Variants in HNRNPL observed in about 807,000 individuals in gnomAD.
HNRNPL encodes epididymis secretory sperm binding protein.
HNRNPL carries 12 observed loss-of-function variants against 64.0 expected under a neutral mutation model. The observed-to-expected ratio is 0.19, with a 90% CI of 0.12 to 0.30. The LOEUF (loss-of-function observed/expected upper bound fraction) is 0.30, where lower values mean the gene tolerates loss of function less well. Among genes scored for constraint, HNRNPL ranks in the 10% least tolerant of loss-of-function variants. The pLI, the probability that HNRNPL is intolerant of heterozygous loss-of-function variation, is 1.00. For synonymous variants in HNRNPL, 385 were observed against 313.0 expected, an observed-to-expected ratio of 1.23 and a Z score of -2.43; for missense variants, 484 against 797.4, an observed-to-expected ratio of 0.61 and a Z score of 4.73.
chr19:38,838,869 T>C (rs2145409466), intron 9 of HNRNPL, 25 bp downstream of exon 9: 5 of 1,613,908 alleles, frequency 3.1e-6, no homozygotes, highest in Non-Finnish European at 4.2e-6. Context: ...GTACCTCTGC[T>C]GCCCTCCCGA....
upstream of HNRNPL, among the ~76,000 whole-genome samples, chr19:38,851,987 G>C (rs1972514580): frequency 6.6e-6 from 1 of 151,894 alleles, no homozygotes; most frequent in Non-Finnish European, 1.5e-5. Context: ...ACGAAGGGCG[G>C]GGTCGCTCCG....
rs745962318 is a variant in HNRNPL at position 38,844,068 on chromosome 19, G to C, written c.747C>G (p.Ala249=). The part of the protein sequence containing the change: ...DSVQSAQRAK[A]SLNGADIYSG... ...AATAGATATCAGCCCCATTGAGAGA[G>C]GCCTTGGCCCGCTGGGCACTTTGAA... is the stretch of plus-strand genomic sequence containing the variant. The change falls in exon 5 of 13, where the codon GCC becomes GCG. Residue 249 remains alanine, a synonymous_variant. Coordinates refer to ENST00000221419, the MANE Select transcript of HNRNPL (RefSeq NM_001533.3). 1.1e-5 allele frequency: 17 copies of C among 1,613,878 alleles called. No homozygotes were observed. The African/African-American group carries it at 1.1e-4, about 10-fold the overall frequency.
At chr19:38,837,716 A>C (rs1971975986) in intron 10 of HNRNPL, 65 bp from the exon 11 acceptor site, 3 of 1,425,084 alleles carry the variant, frequency 2.1e-6, no homozygotes, top group Non-Finnish European at 2.0e-6. Context: ...GGATTCAAGC[A>C]GACCAGGCCC....
intron 6 of HNRNPL, chr19:38,841,745 T>TA: frequency 1.5e-6 from 1 of 683,582 alleles, no homozygotes; most frequent in Non-Finnish European, 2.3e-6. Context: ...ACAATTTTTT[T>TA]AAAGAATTGT....
At chr19:38,845,399 G>C in intron 4 of HNRNPL, 1 of 485,034 alleles carries the variant, frequency 2.1e-6, no homozygotes. Flanking sequence ...ATAACAGAAA[G>C]AAAACAAAAA....
At chr19:38,847,677 G>A (rs1453281403) in intron 1 of HNRNPL, 5 of 286,644 alleles carry the variant, frequency 1.7e-5, no homozygotes, top group Non-Finnish European at 3.2e-5. Context: ...TCTGAGGAAG[G>A]TATAACGGAG....
rs1431388352 is a variant in HNRNPL at position 38,838,390 on chromosome 19, C to T, written c.1557+7G>A. 5 of 1,604,712 alleles carry T rather than the reference C, an allele frequency of 3.1e-6. No individual in the cohort carries two copies. Among genetic ancestry groups the T allele is most frequent in the Non-Finnish European group, 4.3e-6 (5 of 1,172,236 alleles). On this transcript the variant is annotated splice_region_variant and intron_variant, in intron 10 of 12. Transcript: ENST00000221419. ...CCCGACTGCCTGCGCAGCTCCACGG[C>T]ACACACCTCAAAGAAGTTCTCCTCG...
Position 38,849,693 on chromosome 19 carries a change from G to A in HNRNPL, c.267+7C>T. 2 of 1,355,180 alleles carry A rather than the reference G, an allele frequency of 1.5e-6. No homozygotes were observed. The highest frequency in any genetic ancestry group is 1.9e-6 in the Non-Finnish European group (2 of 1,063,744). 83.9% of individuals were successfully genotyped at this position (1,355,180 alleles called of 1,614,324 possible). A position where few individuals can be genotyped will look rare whatever the true frequency, so the allele number is the denominator to read the frequency against. ...GGCCTTCCCAGCGCCTAGGGCCCTGGCCTCACCCCACCGCCGCCGCCGCCC... is the reference window on the plus strand; with the variant it reads ...GGCCTTCCCAGCGCCTAGGGCCCTGACCTCACCCCACCGCCGCCGCCGCCC... On this transcript the variant is annotated splice_region_variant and intron_variant, in intron 1 of 12. Transcript: ENST00000221419.
At position 38,840,549 on chromosome 19, in the gene HNRNPL, G is replaced by A. The variant is rs1395164156; in HGVS notation, c.891C>T (p.Gly297=). The change falls in exon 7 of 13, where the codon GGC becomes GGT. Residue 297 remains glycine, a synonymous_variant. Transcript: ENST00000221419. ...NPNLSGQGDP[G]SNPNKRQRQP... is the part of the protein sequence containing the mutation. Reference sequence around the variant, plus strand: ...GCCTCTGGCGTTTGTTGGGGTTGCTGCCAGGGTCACCTGTGGAGAGAGAAA... The same window carrying A: ...GCCTCTGGCGTTTGTTGGGGTTGCTACCAGGGTCACCTGTGGAGAGAGAAA... 1 of 1,587,518 alleles carries A rather than the reference G, an allele frequency of 6.3e-7. No homozygotes were observed.
At chr19:38,850,091 C>G (rs1972461724), upstream of HNRNPL, 1 of 727,182 alleles carries the variant, frequency 1.4e-6, no homozygotes, top group South Asian at 2.5e-5. Context: ...CGCCACACGC[C>G]TTGCGCGCTT....
chr19:38,839,158 G>C (rs1045582869), intron 8 of HNRNPL, 143 bp from the exon 9 acceptor site: 16 of 1,018,774 alleles, frequency 1.6e-5, no homozygotes, highest in Non-Finnish European at 2.0e-5. Flanking sequence ...AACATGCCTG[G>C]CCCACACCAA....
chr19:38,838,673 GGCT>G, intron 9 of HNRNPL, 75 bp from the exon 10 acceptor site: 1 of 1,463,826 alleles, frequency 6.8e-7, no homozygotes, highest in Non-Finnish European at 9.5e-7. Context: ...GGCCTCCAGA[GGCT>G]TAGCTTGCCC....
intron 2 of HNRNPL, among the ~76,000 whole-genome samples, chr19:38,846,994 C>T (rs1472935718): frequency 1.3e-5 from 2 of 151,938 alleles, no homozygotes; most frequent in African/African-American, 2.4e-5. Flanking sequence ...CTCAGCAGGC[C>T]GAGGCAGAAG....
chr19:38,850,846 A>G (rs1355875814), upstream of HNRNPL, among the ~76,000 whole-genome samples: 1 of 152,168 alleles, frequency 6.6e-6, no homozygotes, highest in Non-Finnish European at 1.5e-5. Flanking sequence ...GTCCAGTTCT[A>G]AATTCAGCCG....
chr19:38,846,087 A>G lies in HNRNPL; in HGVS notation c.390T>C (p.Tyr130=), dbSNP rs2145430345. 7 of 1,607,468 alleles carry G rather than the reference A, an allele frequency of 4.4e-6. No homozygotes were observed. Among genetic ancestry groups the G allele is most frequent in the Non-Finnish European group, 6.0e-6 (7 of 1,173,926 alleles). The change falls in exon 3 of 13, where the codon TAT becomes TAC. Residue 130 remains tyrosine (Y), a synonymous_variant. Transcript: ENST00000221419. ...GTCTCTTTTTAGGCATTACCACCAC[A>G]TAGCTGGCAGAGAGAACACAGGTTT... The part of the protein sequence containing the change: ...EALQEFGPIS[Y]VVVMPKKRQA...
chr19:38,850,171 G>A (rs1052788947), upstream of HNRNPL: 36 of 421,314 alleles, frequency 8.5e-5, no homozygotes, highest in African/African-American at 6.2e-4. Flanking sequence ...CTTATAGGTG[G>A]TCGCTTTCTG....
chr19:38,840,075 G>A (rs1261820215), intron 8 of HNRNPL, 21 bp downstream of exon 8: 13 of 1,611,622 alleles, frequency 8.1e-6, no homozygotes, highest in Non-Finnish European at 1.0e-5. Context: ...GAGGAACCCA[G>A]GGGGCCCGGC....
At chr19:38,839,064 C>A in intron 8 of HNRNPL, 49 bp from the exon 9 acceptor site, 1 of 1,604,670 alleles carries the variant, frequency 6.2e-7, no homozygotes, top group Non-Finnish European at 8.5e-7. Context: ...TGCCAGGGTC[C>A]CCTCTCCTGC....
intron 10 of HNRNPL, 57 bp from the exon 11 acceptor site, chr19:38,837,708 A>G: frequency 6.7e-7 from 1 of 1,489,042 alleles, no homozygotes; most frequent in Non-Finnish European, 9.3e-7. Flanking sequence ...GCCACACAGG[A>G]TTCAAGCAGA....
Sources: allele counts gnomAD v4.1 joint callset (sites outside exome capture counted in the v4.1 genomes callset), GRCh38; gene constraint gnomAD v4.1.1; transcripts MANE v1.5; gene names NCBI Gene and HGNC (gene_info 2026-07-23, HGNC 2026-07-21).